CSRNP3: variants seen among roughly 807,000 people sequenced by gnomAD.
CSRNP3 encodes the protein cysteine/serine-rich nuclear protein 3.
A neutral mutation model predicts 48.0 loss-of-function variants in CSRNP3; 12 were observed. That is an observed-to-expected ratio of 0.25 (90% CI 0.16 to 0.41). The LOEUF (loss-of-function observed/expected upper bound fraction) is 0.41, where lower values mean the gene tolerates loss of function less well. Among genes scored for constraint, CSRNP3 ranks in the 10% least tolerant of loss-of-function variants. The pLI is 1.00. For synonymous variants in CSRNP3, 263 were observed against 269.7 expected (o/e 0.98, Z 0.24); for missense variants, 580 against 724.4 (o/e 0.80, Z 2.29).
intron 3 of CSRNP3, among the ~76,000 whole-genome samples, chr2:165,539,965 A>G (rs1210827387): frequency 6.6e-6 from 1 of 152,084 alleles, no homozygotes; most frequent in Non-Finnish European, 1.5e-5. Context: ...GAACTTGGGA[A>G]AACATCAGAA....
rs188586810 is a variant in CSRNP3 at position 165,675,229 on chromosome 2, G to T, written c.409-1083G>T. 4.8e-3 allele frequency among the ~76,000 whole-genome samples: 732 copies of T among 152,164 alleles called. 4 individuals are homozygous for T. The highest frequency in any genetic ancestry group is 8.7e-3 in the Non-Finnish European group (590 of 68,008). On this transcript the variant is annotated intron_variant, in intron 5 of 6. Coordinates refer to ENST00000651982, the MANE Select transcript of CSRNP3 (RefSeq NM_001172173.2). ...CTGATGTTGCAAGTATTTTAAGTGT[G>T]TGATGGATGAACTGTTGTTAAGCTC...
At chr2:165,676,727 CA>C (rs1342018585) in intron 6 of CSRNP3, 119 bp downstream of exon 6, 2 of 746,974 alleles carry the variant, frequency 2.7e-6, no homozygotes, top group African/African-American at 3.5e-5. Flanking sequence ...TTTGGCAAGG[CA>C]AGACATGTAA....
chr2:165,593,825 A>G (rs1473989186), intron 3 of CSRNP3, among the ~76,000 whole-genome samples: 1 of 152,304 alleles, frequency 6.6e-6, no homozygotes, highest in East Asian at 1.9e-4. Flanking sequence ...CTTATTAATA[A>G]AGATTGGACA....
intron 3 of CSRNP3, among the ~76,000 whole-genome samples, chr2:165,525,428 T>A (rs1416360872): frequency 6.6e-6 from 1 of 151,884 alleles, no homozygotes; most frequent in South Asian, 2.1e-4. Flanking sequence ...ATGATATCAG[T>A]TTTTTTCTTC....
At chr2:165,523,449 T>G (rs990603471) in intron 3 of CSRNP3, among the ~76,000 whole-genome samples, 1 of 152,140 alleles carries the variant, frequency 6.6e-6, no homozygotes, top group African/African-American at 2.4e-5. Flanking sequence ...TCTACATTCA[T>G]TATCTCCAAC....
chr2:165,625,490 T>C (rs1198874915), intron 4 of CSRNP3, among the ~76,000 whole-genome samples: 1 of 149,410 alleles, frequency 6.7e-6, no homozygotes, highest in African/African-American at 2.5e-5. Context: ...AAAAGTTAGC[T>C]GAGCGTGGCG....
chr2:165,474,375 G>A (rs943585877), intron 1 of CSRNP3, among the ~76,000 whole-genome samples: 1 of 152,030 alleles, frequency 6.6e-6, no homozygotes, highest in Non-Finnish European at 1.5e-5. Flanking sequence ...AAGTGGCTGG[G>A]GGATTGCAGG....
intron 2 of CSRNP3, among the ~76,000 whole-genome samples, chr2:165,514,340 GA>G (rs1414989310): frequency 2.0e-5 from 3 of 152,220 alleles, no homozygotes; most frequent in African/African-American, 7.2e-5. Flanking sequence ...AAGATTCCAG[GA>G]AAAATGGCAG....
chr2:165,497,522 A>G (rs1423829542), intron 2 of CSRNP3, among the ~76,000 whole-genome samples: 1 of 152,106 alleles, frequency 6.6e-6, no homozygotes, highest in African/African-American at 2.4e-5. Flanking sequence ...ATCTTTATTA[A>G]TTATTTTATA....
At chr2:165,506,387 A>G (rs1371873400) in intron 2 of CSRNP3, among the ~76,000 whole-genome samples, 1 of 152,150 alleles carries the variant, frequency 6.6e-6, no homozygotes. Context: ...AACGGAGGGC[A>G]GGGGTAAGGG....
intron 3 of CSRNP3, among the ~76,000 whole-genome samples, chr2:165,588,759 A>T (rs948916366): frequency 7.2e-5 from 11 of 152,120 alleles, no homozygotes; most frequent in Admixed American, 6.5e-4. Context: ...GTTGGAGACC[A>T]GCCTGGGCAA....
At chr2:165,627,315 G>T (rs910304349) in intron 4 of CSRNP3, among the ~76,000 whole-genome samples, 2 of 152,022 alleles carry the variant, frequency 1.3e-5, no homozygotes, top group Non-Finnish European at 2.9e-5. Flanking sequence ...TGTCTCTGCT[G>T]GGTAGCTTGT....
rs553623257 is a variant in CSRNP3, at chr2:165,630,665, C to T, written c.149-27096C>T. On this transcript the variant is annotated intron_variant, in intron 4 of 6. Transcript: ENST00000651982. ...AGACAAAGTAATCATTTTACATTTA[C>T]TCCATACATGGATATATCTCTTACA... 6.6e-5 allele frequency among the ~76,000 whole-genome samples: 10 copies of T among 152,330 alleles called. No homozygotes were observed. The South Asian group carries it at 1.9e-3, about 28-fold the overall frequency.
intron 3 of CSRNP3, among the ~76,000 whole-genome samples, chr2:165,575,280 C>T (rs748272203): frequency 7.2e-5 from 11 of 152,094 alleles, no homozygotes; most frequent in Non-Finnish European, 1.3e-4. Flanking sequence ...ATTTCTAAAA[C>T]ATATTTTCAA....
At chr2:165,479,834 A>C (rs1341633377) in intron 1 of CSRNP3, among the ~76,000 whole-genome samples, 9 of 151,032 alleles carry the variant, frequency 6.0e-5, no homozygotes, top group Non-Finnish European at 7.4e-5. Flanking sequence ...GCACTGAGTC[A>C]TGGTCATGCC....
intron 1 of CSRNP3, among the ~76,000 whole-genome samples, chr2:165,472,521 T>C (rs900883282): frequency 6.6e-6 from 1 of 152,032 alleles, no homozygotes; most frequent in African/African-American, 2.4e-5. Flanking sequence ...CATCATATTC[T>C]ACCCTAGGCA....
At chr2:165,481,335 A>G (rs1312058060) in intron 1 of CSRNP3, among the ~76,000 whole-genome samples, 1 of 152,180 alleles carries the variant, frequency 6.6e-6, no homozygotes, top group Non-Finnish European at 1.5e-5. Flanking sequence ...ATACCCTGAC[A>G]AATCCCCTGA....
In CSRNP3 at chr2:165,679,940, T is replaced by A; in HGVS notation, c.*187T>A. The A allele has an allele frequency of 1.3e-6, 1 of 762,810 alleles. No individual in the cohort carries two copies. Among genetic ancestry groups the A allele is most frequent in the Non-Finnish European group, 2.0e-6 (1 of 489,224 alleles). 47.3% of individuals were successfully genotyped at this position (762,810 alleles called of 1,614,324 possible). A position where few individuals can be genotyped will look rare whatever the true frequency, so the allele number is the denominator to read the frequency against. ...TGGCATTGCACAAATACAGTCTCTG[T>A]AGGGATTTTAAAAGATTTCAGACTG... On this transcript the variant is annotated 3_prime_UTR_variant, in exon 7 of 7. Coordinates refer to ENST00000651982, the MANE Select transcript of CSRNP3 (RefSeq NM_001172173.2).
intron 6 of CSRNP3, among the ~76,000 whole-genome samples, chr2:165,678,018 C>A (rs777345): frequency 0.26 from 40,057 of 151,868 alleles, 5,389 homozygotes; most frequent in East Asian, 0.33. Context: ...ACATGAGTCC[C>A]CCAGTCATAG....
Sources: gnomAD v4.1 joint callset for allele counts (sites outside exome capture counted in the v4.1 genomes callset) on GRCh38, gnomAD v4.1.1 for gene constraint, MANE v1.5 for transcripts, NCBI Gene and HGNC (gene_info 2026-07-23, HGNC 2026-07-21) for gene names.